GPR174: variants seen among roughly 807,000 people sequenced by gnomAD.
The protein encoded by GPR174 is probable G protein-coupled receptor 174.
GPR174 carries 8 observed loss-of-function variants against 16.5 expected under a neutral mutation model. The observed-to-expected ratio is 0.48, with a 90% CI of 0.28 to 0.87. The LOEUF (loss-of-function observed/expected upper bound fraction) is 0.87. GPR174 is among the 40% of genes least tolerant of loss of function. GPR174 has a pLI of 0.09. For missense variants in GPR174, 214 were observed against 247.5 expected, an observed-to-expected ratio of 0.86 and a Z score of 0.91; for synonymous variants, 111 against 94.8, an observed-to-expected ratio of 1.17 and a Z score of -0.99.
In GPR174 at chrX:79,173,637, C is replaced by A. The variant is rs919761902; in HGVS notation, c.*1628C>A. On this transcript the variant is annotated 3_prime_UTR_variant, in exon 3 of 3. Coordinates refer to ENST00000645147, the MANE Select transcript of GPR174 (RefSeq NM_032553.3). ...ATCAAAATGAATTCTAATATCTAGACTGATGGAAAGTTTTCTAAAGTTTTC... is the reference window on the plus strand; with the variant it reads ...ATCAAAATGAATTCTAATATCTAGAATGATGGAAAGTTTTCTAAAGTTTTC... 1.8e-5 allele frequency: 2 copies of A among 111,799 alleles called. No individual in the cohort carries two copies. The highest frequency in any genetic ancestry group is 6.5e-5 in the African/African-American group (2 of 30,773). The allele number at this position is 111,799 out of a possible 1,213,427, so 9.2% of individuals were successfully genotyped here.
intron 2 of GPR174, among the ~76,000 whole-genome samples, chrX:79,162,137 G>C (rs1474080922): frequency 9.0e-6 from 1 of 111,661 alleles, no homozygotes; most frequent in Non-Finnish European, 1.9e-5. Context: ...GAAGCTAGAG[G>C]GGTCATTGTT....
chrX:79,146,587 T>A (rs1334791527), intron 1 of GPR174, among the ~76,000 whole-genome samples: 1 of 112,576 alleles, frequency 8.9e-6, no homozygotes, highest in East Asian at 2.8e-4. Flanking sequence ...TGCTTTGCAC[T>A]TGTGAACACA....
intron 1 of GPR174, among the ~76,000 whole-genome samples, chrX:79,147,967 G>C (rs961851338): frequency 8.9e-6 from 1 of 112,036 alleles, no homozygotes; most frequent in African/African-American, 3.3e-5. Flanking sequence ...AGCAACAGCT[G>C]CATTAGCAGC....
chrX:79,150,243 G>A (rs1239205777), intron 1 of GPR174, among the ~76,000 whole-genome samples: 2 of 111,430 alleles, frequency 1.8e-5, no homozygotes, highest in Non-Finnish European at 3.8e-5. Flanking sequence ...AAGAATATGG[G>A]CATGGTGGTT....
At chrX:79,156,416 G>A (rs189489964) in intron 1 of GPR174, among the ~76,000 whole-genome samples, 25 of 112,220 alleles carry the variant, frequency 2.2e-4, no homozygotes, top group Non-Finnish European at 1.3e-4. Context: ...AACAGTTATG[G>A]TCATGCCAAC....
intron 2 of GPR174, among the ~76,000 whole-genome samples, chrX:79,165,059 G>A (rs1166995709): frequency 9.0e-6 from 1 of 110,719 alleles, no homozygotes; most frequent in Non-Finnish European, 1.9e-5. Flanking sequence ...TTACTGAGAG[G>A]CCAACAATTC....
chrX:79,148,830 T>C (rs1926550347), intron 1 of GPR174, among the ~76,000 whole-genome samples: 4 of 112,127 alleles, frequency 3.6e-5, no homozygotes, highest in Non-Finnish European at 5.6e-5. Flanking sequence ...TTCTGTATGA[T>C]AAAATAATTC....
At chrX:79,158,175 C>CTT (rs367923879) in intron 2 of GPR174, among the ~76,000 whole-genome samples, 14 of 97,512 alleles carry the variant, frequency 1.4e-4, no homozygotes, top group East Asian at 6.5e-4. Context: ...GTTTTCTTTT[C>CTT]TTTTTTTTTT....
intron 2 of GPR174, among the ~76,000 whole-genome samples, chrX:79,159,170 T>C (rs763241323): frequency 9.0e-6 from 1 of 111,388 alleles, no homozygotes; most frequent in South Asian, 3.7e-4. Flanking sequence ...AAATTCAAAT[T>C]AACTGGGGGA....
chrX:79,161,199 G>C (rs887029887), intron 2 of GPR174, among the ~76,000 whole-genome samples: 6 of 111,860 alleles, frequency 5.4e-5, no homozygotes, highest in Non-Finnish European at 1.1e-4. Flanking sequence ...CTTTGCACCT[G>C]ACAAATACTT....
intron 1 of GPR174, among the ~76,000 whole-genome samples, chrX:79,155,747 C>A (rs779863665): frequency 1.8e-5 from 2 of 111,924 alleles, no homozygotes; most frequent in South Asian, 7.4e-4. Flanking sequence ...GGCATTAGAA[C>A]GCAAGTCTCT....
chrX:79,151,131 T>C (rs1181049042), intron 1 of GPR174, among the ~76,000 whole-genome samples: 1 of 111,508 alleles, frequency 9.0e-6, no homozygotes, highest in Admixed American at 9.5e-5. Context: ...AGCAGGTTTT[T>C]TGAGCTTATC....
chrX:79,166,393 A>G (rs1921362148), intron 2 of GPR174, among the ~76,000 whole-genome samples: 1 of 101,231 alleles, frequency 9.9e-6, no homozygotes, highest in Non-Finnish European at 2.0e-5. Context: ...ACCATAGTAT[A>G]TATAAACTTA....
intron 2 of GPR174, among the ~76,000 whole-genome samples, 188 bp downstream of exon 2, chrX:79,157,106 C>G (rs767583064): frequency 2.1e-4 from 24 of 111,671 alleles, no homozygotes; most frequent in African/African-American, 7.5e-4. Flanking sequence ...TTACAGAACA[C>G]GAAAAGCTGT....
intron 2 of GPR174, among the ~76,000 whole-genome samples, chrX:79,165,212 G>T (rs1921328581): frequency 9.2e-6 from 1 of 109,145 alleles, no homozygotes; most frequent in South Asian, 3.9e-4. Flanking sequence ...AAAATGAAAT[G>T]CTATAGATTT....
chrX:79,155,564 T>C (rs1464948915), intron 1 of GPR174, among the ~76,000 whole-genome samples: 3 of 111,469 alleles, frequency 2.7e-5, no homozygotes, highest in African/African-American at 9.8e-5. Flanking sequence ...ATTGAGCACT[T>C]GTTATGTGCC....
rs558995870 is a variant in GPR174, at chrX:79,148,919, G to A, written c.-654+3702G>A. ...TTAATCTATTTTAGGTAATACTGAT[G>A]ACCTATAAGTTACTTCTTTAAAACT... On this transcript the variant is annotated intron_variant, in intron 1 of 2. Coordinates refer to ENST00000645147, the MANE Select transcript of GPR174 (RefSeq NM_032553.3). Among the ~76,000 whole-genome samples, 12 of 111,908 alleles carry A rather than the reference G, an allele frequency of 1.1e-4. No homozygotes were observed. In the Middle Eastern group the frequency reaches 0.014, roughly 128 times the overall value.
At position 79,171,965 on chromosome X, in the gene GPR174, G is replaced by T; in HGVS notation, c.958G>T (p.Val320Leu). The stretch of plus-strand genomic sequence containing the variant: ...CATCCAACTCCATGCAAAATCCTTT[G>T]TGAGTAACCATACAGCTTCCACCAT... ...DSIQLHAKSF[V>L]SNHTASTMTP... Residue 320 changes from valine to leucine, a missense_variant, in exon 3 of 3, where the codon GTG (valine) becomes TTG (leucine). By Grantham distance (32) the Val-to-Leu change is conservative. Transcript: ENST00000645147. 3.3e-6 allele frequency: 4 copies of T among 1,205,729 alleles called. No individual in the cohort carries two copies. The highest frequency in any genetic ancestry group is 4.5e-6 in the Non-Finnish European group (4 of 892,910).
intron 2 of GPR174, among the ~76,000 whole-genome samples, chrX:79,169,646 A>G (rs773225072): frequency 2.7e-5 from 3 of 111,566 alleles, no homozygotes; most frequent in Non-Finnish European, 3.8e-5. Flanking sequence ...ACATATCTTT[A>G]AAGTTAGTTA....
Sources: gnomAD v4.1 joint callset for allele counts (sites outside exome capture counted in the v4.1 genomes callset) on GRCh38, gnomAD v4.1.1 for gene constraint, MANE v1.5 for transcripts, NCBI Gene and HGNC (gene_info 2026-07-23, HGNC 2026-07-21) for gene names.